The following IL23R variants were observed in gnomAD, a reference collection of about 807,000 sequenced individuals.
The protein encoded by IL23R is interleukin 23 receptor, also known as interleukin-23 receptor.
In IL23R, 34 loss-of-function variants were observed where a neutral mutation model predicts 56.9. The observed-to-expected ratio is 0.60, with a 90% CI of 0.45 to 0.80. IL23R has a LOEUF of 0.80. IL23R is among the 30% of genes least tolerant of loss of function. The pLI is 0.00. For synonymous variants in IL23R, 230 were observed against 249.2 expected, an observed-to-expected ratio of 0.92 and a Z score of 0.73; for missense variants, 635 against 730.0, an observed-to-expected ratio of 0.87 and a Z score of 1.50.
At chr1:67,146,258 A>G (rs1039771916) in intron 1 of IL23R, among the ~76,000 whole-genome samples, 1 of 152,138 alleles carries the variant, frequency 6.6e-6, no homozygotes, top group Non-Finnish European at 1.5e-5. Context: ...CAAAAGTGAT[A>G]ATTTTGTGGA....
intron 1 of IL23R, among the ~76,000 whole-genome samples, chr1:67,151,024 C>A (rs1024637776): frequency 2.6e-5 from 4 of 152,146 alleles, no homozygotes; most frequent in Non-Finnish European, 5.9e-5. Context: ...CTTGAGGAAT[C>A]GCCACACTGT....
intron 1 of IL23R, among the ~76,000 whole-genome samples, chr1:67,143,558 T>A (rs1290976595): frequency 6.6e-6 from 1 of 152,200 alleles, no homozygotes; most frequent in Non-Finnish European, 1.5e-5. Flanking sequence ...GAATTGCCCC[T>A]TCAATGGGTG....
intron 6 of IL23R, among the ~76,000 whole-genome samples, chr1:67,215,913 A>G (rs963479664): frequency 2.6e-5 from 4 of 152,022 alleles, no homozygotes; most frequent in Non-Finnish European, 5.9e-5. Context: ...TTCCCTAAAC[A>G]TTGACATTCC....
In IL23R at chr1:67,236,707, T is replaced by C; in HGVS notation, c.956-6T>C. 6.2e-7 allele frequency: 1 copy of C among 1,606,480 alleles called. No homozygotes were observed. Among genetic ancestry groups the C allele is most frequent in the Non-Finnish European group, 8.5e-7 (1 of 1,173,078 alleles). On this transcript the variant is annotated splice_polypyrimidine_tract_variant and splice_region_variant and intron_variant, in intron 7 of 10. Transcript: ENST00000347310. Reference sequence around the variant, plus strand: ...AGAAACTGACACTCTTTCCTTTTGGTTTAAGTTCCCCAGGTCACATCAAAA... The same window carrying C: ...AGAAACTGACACTCTTTCCTTTTGGCTTAAGTTCCCCAGGTCACATCAAAA...
chr1:67,218,924 A>G (rs1650050365), intron 6 of IL23R, among the ~76,000 whole-genome samples: 1 of 134,130 alleles, frequency 7.5e-6, no homozygotes, highest in Non-Finnish European at 1.6e-5. Flanking sequence ...GTGGGACCCT[A>G]TCTAGAAAAA....
intron 9 of IL23R, among the ~76,000 whole-genome samples, chr1:67,244,071 C>CT (rs1652035000): frequency 6.6e-6 from 1 of 152,120 alleles, no homozygotes; most frequent in Non-Finnish European, 1.5e-5. Context: ...TGATGACGAG[C>CT]TTTTTTTCAT....
chr1:67,200,695 A>T (rs1432055730), intron 4 of IL23R, 42 bp from the exon 5 acceptor site: 3 of 1,603,684 alleles, frequency 1.9e-6, no homozygotes, highest in Admixed American at 1.7e-5. Flanking sequence ...AATTAATTCA[A>T]ACTAAATACA....
At chr1:67,171,213 A>G (rs1646939352) in intron 3 of IL23R, among the ~76,000 whole-genome samples, 1 of 152,210 alleles carries the variant, frequency 6.6e-6, no homozygotes, top group Non-Finnish European at 1.5e-5. Context: ...TTTCACAGTT[A>G]CAGAAAAAGC....
chr1:67,205,757 G>A (rs1648958118), intron 5 of IL23R, among the ~76,000 whole-genome samples: 1 of 152,140 alleles, frequency 6.6e-6, no homozygotes, highest in African/African-American at 2.4e-5. Context: ...AGGAAGGACA[G>A]ATTTATTTTA....
At chr1:67,169,260 T>A (rs1309473897) in intron 2 of IL23R, 82 bp from the exon 3 acceptor site, 21 of 1,091,140 alleles carry the variant, frequency 1.9e-5, no homozygotes, top group Non-Finnish European at 2.6e-5. Flanking sequence ...AAATGATAAA[T>A]TTAAAATGCA....
At chr1:67,203,453 C>G (rs965431364) in intron 5 of IL23R, among the ~76,000 whole-genome samples, 1 of 151,990 alleles carries the variant, frequency 6.6e-6, no homozygotes, top group Non-Finnish European at 1.5e-5. Context: ...AGTTGTGGTT[C>G]CTTTTCCTTC....
At chr1:67,252,888 G>T (rs1273326262) in intron 9 of IL23R, among the ~76,000 whole-genome samples, 1 of 151,806 alleles carries the variant, frequency 6.6e-6, no homozygotes, top group Non-Finnish European at 1.5e-5. Flanking sequence ...GTTGGCATTT[G>T]TCTTATTTGA....
At position 67,146,247 on chromosome 1, in the gene IL23R, T is replaced by C. The variant is rs530054887; in HGVS notation, c.-634+7086T>C. ...GATCATGTCTTATGTGCATGCAATA[T>C]CAAAAGTGATAATTTTGTGGACTTG... is the stretch of plus-strand genomic sequence containing the variant. On this transcript the variant is annotated intron_variant, in intron 1 of 10. Coordinates refer to the IL23R transcript ENST00000637002. Among the ~76,000 whole-genome samples the C allele has an allele frequency of 1.2e-4, 18 of 152,326 alleles. 1 individual carries two copies. The South Asian group carries it at 3.5e-3, about 30-fold the overall frequency.
At chr1:67,216,135 C>T (rs148235829) in intron 6 of IL23R, among the ~76,000 whole-genome samples, 2 of 152,262 alleles carry the variant, frequency 1.3e-5, no homozygotes, top group East Asian at 1.9e-4. Flanking sequence ...CAGTTGCGAA[C>T]GGCAATCCAC....
chr1:67,146,944 T>G (rs1335056036), intron 1 of IL23R, among the ~76,000 whole-genome samples: 1 of 152,178 alleles, frequency 6.6e-6, no homozygotes, highest in Non-Finnish European at 1.5e-5. Context: ...TCCATAGGGA[T>G]GGGCACATGA....
At chr1:67,224,595 T>C (rs1344245159) in intron 7 of IL23R, among the ~76,000 whole-genome samples, 2 of 152,240 alleles carry the variant, frequency 1.3e-5, no homozygotes, top group Admixed American at 1.3e-4. Flanking sequence ...GAATAGTGCC[T>C]GGCTTGGCCA....
At chr1:67,256,316 G>C (rs1652944729) in intron 10 of IL23R, among the ~76,000 whole-genome samples, 6 of 152,166 alleles carry the variant, frequency 3.9e-5, no homozygotes. Context: ...ATGAGATGGA[G>C]AGCCAGGTGG....
chr1:67,188,286 G>T (rs1405010351), intron 4 of IL23R, among the ~76,000 whole-genome samples: 1 of 152,154 alleles, frequency 6.6e-6, no homozygotes, highest in African/African-American at 2.4e-5. Context: ...GGCAGGAAAA[G>T]TGGTAAAGAG....
intron 8 of IL23R, among the ~76,000 whole-genome samples, chr1:67,239,194 A>G (rs1651694694): frequency 6.6e-6 from 1 of 152,220 alleles, no homozygotes; most frequent in Non-Finnish European, 1.5e-5. Context: ...TGAATAAATT[A>G]TATTAATTAT....
Sources: allele counts gnomAD v4.1 joint callset (sites outside exome capture counted in the v4.1 genomes callset), GRCh38; gene constraint gnomAD v4.1.1; transcripts MANE v1.5; gene names NCBI Gene and HGNC (gene_info 2026-07-23, HGNC 2026-07-21).